The following CORO2B variants were observed in gnomAD, a reference collection of about 807,000 sequenced individuals.
CORO2B encodes the protein coronin 2B.
CORO2B carries 26 observed loss-of-function variants against 58.8 expected under a neutral mutation model. That is an observed-to-expected ratio of 0.44 (90% CI 0.32 to 0.61). CORO2B has a LOEUF of 0.61. Among genes scored for constraint, CORO2B ranks in the 20% least tolerant of loss-of-function variants. CORO2B has a pLI of 0.04. For synonymous variants in CORO2B, 242 were observed against 253.8 expected (o/e 0.95, Z 0.44); for missense variants, 460 against 645.1 (o/e 0.71, Z 3.11).
chr15:68,553,545 T>C, the CORO2B span, among the ~76,000 whole-genome samples: 1 of 152,342 alleles, frequency 6.6e-6, no homozygotes, highest in South Asian at 2.1e-4. Context: ...TTAGCCCCCA[T>C]AACACTCATC....
the CORO2B span, among the ~76,000 whole-genome samples, chr15:68,566,664 G>A: frequency 6.6e-6 from 1 of 152,276 alleles, no homozygotes. Flanking sequence ...TGGTTAAGGA[G>A]CAAATAAGGC....
intron 1 of CORO2B, among the ~76,000 whole-genome samples, chr15:68,638,235 C>T (rs1901098055): frequency 6.6e-6 from 1 of 151,906 alleles, no homozygotes; most frequent in African/African-American, 2.4e-5. Flanking sequence ...CCTCCTCCTC[C>T]TGGCAAAGCC....
chr15:68,690,510 A>G (rs1370079486), intron 2 of CORO2B, among the ~76,000 whole-genome samples: 1 of 152,004 alleles, frequency 6.6e-6, no homozygotes, highest in Non-Finnish European at 1.5e-5. Context: ...GCACACATAC[A>G]CACTTTCCTC....
At chr15:68,711,737 G>A in intron 5 of CORO2B, 31 bp downstream of exon 5, 1 of 1,613,018 alleles carries the variant, frequency 6.2e-7, no homozygotes, top group Non-Finnish European at 8.5e-7. Flanking sequence ...AGATTGAAGG[G>A]GAAGGTATTG....
the CORO2B span, among the ~76,000 whole-genome samples, chr15:68,573,367 A>G: frequency 6.6e-6 from 1 of 151,990 alleles, no homozygotes; most frequent in Non-Finnish European, 1.5e-5. Flanking sequence ...GAAGGGCAGG[A>G]GGGTGGAAAT....
At chr15:68,597,158 A>G (rs929695264) in intron 1 of CORO2B, among the ~76,000 whole-genome samples, 1 of 152,054 alleles carries the variant, frequency 6.6e-6, no homozygotes, top group African/African-American at 2.4e-5. Context: ...TAAGAGGCAC[A>G]GCCTTCTCGG....
At chr15:68,609,750 G>C (rs893618727) in intron 1 of CORO2B, among the ~76,000 whole-genome samples, 2 of 152,228 alleles carry the variant, frequency 1.3e-5, no homozygotes, top group African/African-American at 4.8e-5. Flanking sequence ...GAAGGCCGTT[G>C]CTCTGGCTCT....
At chr15:68,567,559 C>A in the CORO2B span, among the ~76,000 whole-genome samples, 9 of 152,152 alleles carry the variant, frequency 5.9e-5, no homozygotes, top group African/African-American at 2.2e-4. Flanking sequence ...GAGAGGAACC[C>A]CCTCCCAGAG....
chr15:68,610,448 C>G (rs561534061), intron 1 of CORO2B, among the ~76,000 whole-genome samples: 2 of 152,230 alleles, frequency 1.3e-5, no homozygotes, highest in Admixed American at 1.3e-4. Flanking sequence ...GCTTGTCTTC[C>G]TCCCTGATCT....
Position 68,710,665 on chromosome 15 carries a change from G to T in CORO2B, c.334-67G>T. 1.4e-6 allele frequency: 2 copies of T among 1,439,270 alleles called. No individual in the cohort carries two copies. Among genetic ancestry groups the T allele is most frequent in the South Asian group, 3.1e-5 (2 of 65,090 alleles). The allele number at this position is 1,439,270 out of a possible 1,614,324, so 89.2% of individuals were successfully genotyped here. ...CAGAAAGCCTGGTGTCCGAGGAAAG[G>T]GGCACCTCTCATCAAGGGACTTCTT... is the stretch of plus-strand genomic sequence containing the variant. On this transcript the variant is annotated intron_variant, in intron 3 of 11. Transcript: ENST00000261861. The surrounding 1 kb of genome is among the most constrained non-coding windows in gnomAD (Gnocchi z 4.1).
At chr15:68,544,986 A>G in the CORO2B span, among the ~76,000 whole-genome samples, 2 of 152,156 alleles carry the variant, frequency 1.3e-5, no homozygotes, top group East Asian at 3.9e-4. Context: ...CGTGTTAGCC[A>G]GGATGGTCTC....
At chr15:68,589,026 C>A (rs912071471) in intron 1 of CORO2B, among the ~76,000 whole-genome samples, 2 of 152,144 alleles carry the variant, frequency 1.3e-5, no homozygotes, top group African/African-American at 4.8e-5. Context: ...TTCTAGAGAC[C>A]CTGAGTCTGC....
intron 2 of CORO2B, among the ~76,000 whole-genome samples, chr15:68,660,906 T>C (rs1245980056): frequency 2.0e-5 from 3 of 152,214 alleles, no homozygotes; most frequent in East Asian, 3.8e-4. Flanking sequence ...TGTTGTTCTC[T>C]CTATAGAGGT....
intron 2 of CORO2B, among the ~76,000 whole-genome samples, chr15:68,649,219 C>T (rs1377092757): frequency 6.6e-6 from 1 of 152,022 alleles, no homozygotes; most frequent in Non-Finnish European, 1.5e-5. Context: ...ATATACATAT[C>T]AGGTGTATTT....
intron 2 of CORO2B, among the ~76,000 whole-genome samples, chr15:68,667,121 C>T (rs1432867819): frequency 6.6e-6 from 1 of 152,184 alleles, no homozygotes; most frequent in Non-Finnish European, 1.5e-5. Flanking sequence ...CTAAAAACCC[C>T]TAAGGCCTCC....
At chr15:68,573,839 G>A in the CORO2B span, among the ~76,000 whole-genome samples, 4 of 152,318 alleles carry the variant, frequency 2.6e-5, no homozygotes, top group Middle Eastern at 3.4e-3. Context: ...CAGAGAAAAC[G>A]AGGCTCAGGG....
At chr15:68,528,914 C>CA in the CORO2B span, among the ~76,000 whole-genome samples, 2 of 152,074 alleles carry the variant, frequency 1.3e-5, no homozygotes, top group African/African-American at 4.8e-5. Context: ...AAAAAGCAGA[C>CA]AAAATGGCTT....
chr15:68,541,549 T>C, the CORO2B span, among the ~76,000 whole-genome samples: 1 of 152,194 alleles, frequency 6.6e-6, no homozygotes, highest in Non-Finnish European at 1.5e-5. Context: ...CTGCAGTCAA[T>C]ACCATAATCA....
At chr15:68,519,778 G>A in the CORO2B span, among the ~76,000 whole-genome samples, 5 of 152,032 alleles carry the variant, frequency 3.3e-5, no homozygotes, top group Admixed American at 2.6e-4. Context: ...GGCTTTCAGC[G>A]TTTCTTCTTT....
Sources: gnomAD v4.1 joint callset for allele counts (sites outside exome capture counted in the v4.1 genomes callset) on GRCh38, gnomAD v4.1.1 for gene constraint, Gnocchi (gnomAD v3.1) non-coding constraint, MANE v1.5 for transcripts, NCBI Gene and HGNC (gene_info 2026-07-23, HGNC 2026-07-21) for gene names.